Variants in PACSIN2 observed in about 807,000 individuals in gnomAD.
The protein encoded by PACSIN2 is protein kinase C and casein kinase substrate in neurons 2.
A neutral mutation model predicts 63.8 loss-of-function variants in PACSIN2; 25 were observed. That is an observed-to-expected ratio of 0.39 (90% CI 0.29 to 0.55). PACSIN2 has a LOEUF of 0.55. Among genes scored for constraint, PACSIN2 ranks in the 20% least tolerant of loss-of-function variants. The pLI is 0.62. For synonymous variants in PACSIN2, 255 were observed against 256.2 expected, an observed-to-expected ratio of 1.00 and a Z score of 0.05; for missense variants, 518 against 646.9, an observed-to-expected ratio of 0.80 and a Z score of 2.16.
chr22:42,972,528 T>A (rs1460847243), intron 1 of PACSIN2, among the ~76,000 whole-genome samples: 1 of 151,908 alleles, frequency 6.6e-6, no homozygotes, highest in Non-Finnish European at 1.5e-5. Context: ...ATATATATAT[T>A]TTAAACCACC....
chr22:42,959,680 TAGA>T (rs1313891692), intron 1 of PACSIN2: 1 of 152,176 alleles, frequency 6.6e-6, no homozygotes, highest in African/African-American at 2.4e-5. Context: ...TGCGCTTGCA[TAGA>T]AGGTGAGAGT....
At chr22:43,002,433 AT>A (rs1923830115) in intron 1 of PACSIN2, 1 of 152,208 alleles carries the variant, frequency 6.6e-6, no homozygotes, top group South Asian at 2.1e-4. Context: ...TTCCTTGCTC[AT>A]CAAAGTATGG....
At chr22:42,978,976 G>A (rs757048314) in intron 1 of PACSIN2, among the ~76,000 whole-genome samples, 1 of 152,166 alleles carries the variant, frequency 6.6e-6, no homozygotes, top group Non-Finnish European at 1.5e-5. Flanking sequence ...TTATGCTCAG[G>A]TTAGCTGGTG....
At chr22:42,909,614 T>G (rs1931316688) in intron 2 of PACSIN2, 1 of 470,284 alleles carries the variant, frequency 2.1e-6, no homozygotes, top group African/African-American at 2.0e-5. Context: ...AGAGCCCGCC[T>G]GAGCATTTTC....
intron 1 of PACSIN2, among the ~76,000 whole-genome samples, chr22:43,005,560 C>G (rs1312782103): frequency 6.6e-6 from 1 of 152,224 alleles, no homozygotes; most frequent in Admixed American, 6.5e-5. Context: ...TCACCCACAC[C>G]AATGACCTGC....
At chr22:42,883,738 G>A (rs1260964215) in intron 6 of PACSIN2, among the ~76,000 whole-genome samples, 2 of 152,334 alleles carry the variant, frequency 1.3e-5, no homozygotes, top group African/African-American at 4.8e-5. Context: ...AGGTGCGGTG[G>A]CTCACGCCTG....
intron 1 of PACSIN2, among the ~76,000 whole-genome samples, chr22:42,945,096 CAAA>C (rs11340938): frequency 8.7e-5 from 12 of 137,682 alleles, no homozygotes; most frequent in East Asian, 2.1e-4. Context: ...AGACTCGTCT[CAAA>C]AAAAAAAAAA....
rs905968735 is a variant in PACSIN2, at chr22:42,870,003, A to G, written c.*1354T>C. On this transcript the variant is annotated 3_prime_UTR_variant, in exon 11 of 11. Transcript: ENST00000263246. ...CTGGTGACGGCGGCGGGCACTGCTG[A>G]GTCACGTGAAACACAGGTTCCCCCA... The G allele has an allele frequency of 1.3e-5, 2 of 152,206 alleles. No homozygotes were observed. Among genetic ancestry groups the G allele is most frequent in the Middle Eastern group, 3.4e-3 (1 of 294 alleles). 9.4% of individuals were successfully genotyped at this position (152,206 alleles called of 1,614,324 possible).
rs180946690 is a variant in PACSIN2, at chr22:43,011,557, C to T, written c.-78+3464G>A. On this transcript the variant is annotated intron_variant, in intron 1 of 10. Coordinates refer to ENST00000263246, the MANE Select transcript of PACSIN2 (RefSeq NM_001184970.3). The stretch of plus-strand genomic sequence containing the variant: ...CATCCACTGATAACCCCTTCAGAAT[C>T]AGTAAGCCTGAGCATGACGCCCTTA... Among the ~76,000 whole-genome samples, 3 of 152,340 alleles carry T rather than the reference C, an allele frequency of 2.0e-5. No homozygotes were observed. The East Asian group carries it at 5.8e-4, about 29-fold the overall frequency.
chr22:42,904,211 C>T lies in PACSIN2; in HGVS notation c.60+7810G>A, dbSNP rs187928915. On this transcript the variant is annotated intron_variant, in intron 2 of 10. Transcript: ENST00000263246. ...CGTCGGCCAGGCTCCCCATGCTCTG[C>T]TCCCTTGGTGCGTGTTACACAGATG... is the stretch of plus-strand genomic sequence containing the variant. 4.5e-3 allele frequency among the ~76,000 whole-genome samples: 682 copies of T among 152,368 alleles called. 5 individuals are homozygous for T. Among genetic ancestry groups the T allele is most frequent in the Admixed American group, 6.3e-3 (97 of 15,312 alleles).
At chr22:42,996,565 G>C in intron 1 of PACSIN2, among the ~76,000 whole-genome samples, 1 of 150,254 alleles carries the variant, frequency 6.7e-6, no homozygotes, top group Non-Finnish European at 1.5e-5. Context: ...GGCCAGGTAT[G>C]ATGGTACACA....
intron 1 of PACSIN2, among the ~76,000 whole-genome samples, chr22:42,977,945 T>G (rs988345325): frequency 6.6e-6 from 1 of 152,214 alleles, no homozygotes; most frequent in African/African-American, 2.4e-5. Flanking sequence ...TGGTTCTTTA[T>G]AGCAATGTGA....
intron 6 of PACSIN2, among the ~76,000 whole-genome samples, chr22:42,884,167 T>TC (rs1240071674): frequency 1.3e-5 from 2 of 152,118 alleles, no homozygotes; most frequent in Non-Finnish European, 2.9e-5. Flanking sequence ...AACCAGGCCT[T>TC]CCAGAGGTCC....
intron 1 of PACSIN2, among the ~76,000 whole-genome samples, chr22:42,947,786 C>T (rs772871874): frequency 1.2e-4 from 18 of 152,264 alleles, no homozygotes; most frequent in African/African-American, 2.9e-4. Context: ...ACAGGTTGCA[C>T]GGATCAAATG....
At position 43,002,319 on chromosome 22, in the gene PACSIN2, T is replaced by A. The variant is rs1453716789; in HGVS notation, c.-78+12702A>T. ...TCTGTGAGATACCTACCGCGATGGC[T>A]GAGCTGATGCAGGAATGTGGCCATA... On this transcript the variant is annotated intron_variant, in intron 1 of 10. Transcript: ENST00000263246. 1.3e-5 allele frequency: 2 copies of A among 152,164 alleles called. 1 individual carries two copies. Among genetic ancestry groups the A allele is most frequent in the South Asian group, 4.1e-4 (2 of 4,832 alleles). The allele number at this position is 152,164 out of a possible 1,614,324, so 9.4% of individuals were successfully genotyped here.
chr22:42,884,470 T>C lies in PACSIN2; in HGVS notation c.701A>G (p.Gln234Arg). 6.2e-7 allele frequency: 1 copy of C among 1,614,224 alleles called. No individual in the cohort carries two copies. Among genetic ancestry groups the C allele is most frequent in the African/African-American group, 1.3e-5 (1 of 75,068 alleles). The change falls in exon 6 of 11, where the codon CAG becomes CGG. Residue 234 changes from glutamine to arginine, a missense_variant. This residue lies in a region of PACSIN2 where 507 missense variants were observed against 612.3 expected (regional missense o/e 0.83). Coordinates refer to ENST00000263246, the MANE Select transcript of PACSIN2 (RefSeq NM_001184970.3). ...GCGAAGGCGTTTCTCCTCGAACTGC[T>C]GGCACTGCTCAAACACCTGCTCCAT... ...ENMEQVFEQCQQFEEKRLRFF... is the reference protein window; with the variant it reads ...ENMEQVFEQCRQFEEKRLRFF...
chr22:42,919,528 A>G (rs1414704353), intron 1 of PACSIN2, among the ~76,000 whole-genome samples: 4 of 152,134 alleles, frequency 2.6e-5, no homozygotes, highest in Non-Finnish European at 5.9e-5. Flanking sequence ...TAATTCCAGC[A>G]CTTCGGGAGG....
chr22:42,889,639 C>T (rs142491294), intron 4 of PACSIN2, among the ~76,000 whole-genome samples: 1,647 of 152,084 alleles, frequency 0.011, 60 homozygotes, highest in Admixed American at 0.082. Context: ...AGGAAGGCAG[C>T]GCAAGGCCAG....
chr22:42,901,504 T>G (rs775166587), intron 2 of PACSIN2, among the ~76,000 whole-genome samples: 3 of 152,254 alleles, frequency 2.0e-5, no homozygotes. Context: ...GATCTGGCCC[T>G]GCCCCAAAAT....
Sources: allele counts gnomAD v4.1 joint callset (sites outside exome capture counted in the v4.1 genomes callset), GRCh38; gene constraint gnomAD v4.1.1; regional missense constraint gnomAD v4.1.1; transcripts MANE v1.5; gene names NCBI Gene and HGNC (gene_info 2026-07-23, HGNC 2026-07-21).